SYTL4: variants seen among roughly 807,000 people sequenced by gnomAD.
SYTL4 encodes the protein synaptotagmin-like protein 4.
A neutral mutation model predicts 52.7 loss-of-function variants in SYTL4; 16 were observed. The observed-to-expected ratio is 0.30, with a 90% confidence interval of 0.21 to 0.46. SYTL4 has a LOEUF of 0.46. SYTL4 is among the 20% of genes least tolerant of loss of function. The pLI is 1.00. For missense variants in SYTL4, 423 were observed against 519.9 expected, an observed-to-expected ratio of 0.81 and a Z score of 1.81; for synonymous variants, 160 against 186.6, an observed-to-expected ratio of 0.86 and a Z score of 1.16.
intron 8 of SYTL4, among the ~76,000 whole-genome samples, chrX:100,698,314 A>G (rs7050441): frequency 0.47 from 51,941 of 109,999 alleles, 10,698 homozygotes; most frequent in Non-Finnish European, 0.64. Flanking sequence ...CGTGTTAGCC[A>G]GGATGGTCTC....
Position 100,710,181 on chromosome X carries a change from A to G in SYTL4, c.-239-5295T>C, listed in dbSNP as rs766506079. The stretch of plus-strand genomic sequence containing the variant: ...TCTAATGGATTATCATATCCTGCCA[A>G]AGTGATGTAATAAAAGTATTTTGCT... On this transcript the variant is annotated intron_variant, in intron 2 of 19. Transcript: ENST00000372989. Among the ~76,000 whole-genome samples, 11 of 112,292 alleles carry G rather than the reference A, an allele frequency of 9.8e-5. No individual in the cohort carries two copies. The East Asian group carries it at 3.0e-3, about 31-fold the overall frequency.
chrX:100,691,539 G>A (rs1051769627), intron 8 of SYTL4, among the ~76,000 whole-genome samples: 5 of 109,658 alleles, frequency 4.6e-5, no homozygotes, highest in Non-Finnish European at 7.6e-5. Context: ...GCCCAGCTGA[G>A]TATACTTTTT....
intron 2 of SYTL4, among the ~76,000 whole-genome samples, chrX:100,716,121 G>A (rs2084201958): frequency 9.2e-6 from 1 of 108,803 alleles, no homozygotes; most frequent in Non-Finnish European, 1.9e-5. Flanking sequence ...AGTACCGATG[G>A]GCGGGGGACT....
chrX:100,678,816 T>TATA (rs774417395), intron 18 of SYTL4: 1 of 406,325 alleles, frequency 2.5e-6, no homozygotes, highest in Non-Finnish European at 4.3e-6. Flanking sequence ...AGAAAATGAA[T>TATA]ATAATAGTAT....
At chrX:100,684,792 G>A in intron 16 of SYTL4, 1 of 109,833 alleles carries the variant, frequency 9.1e-6, no homozygotes, top group Non-Finnish European at 1.9e-5. Flanking sequence ...CGCCTCATGG[G>A]TTCAAGCGAT....
At chrX:100,712,401 G>A (rs1386998729) in intron 2 of SYTL4, among the ~76,000 whole-genome samples, 1 of 112,136 alleles carries the variant, frequency 8.9e-6, no homozygotes, top group Non-Finnish European at 1.9e-5. Context: ...AGTCAATGTG[G>A]TACTGGGCAG....
At chrX:100,704,741 T>C (rs2083922646) in intron 3 of SYTL4, 70 bp downstream of exon 3, 1 of 111,969 alleles carries the variant, frequency 8.9e-6, no homozygotes, top group Non-Finnish European at 1.9e-5. Flanking sequence ...TAATATACAC[T>C]TGGTAGTCAT....
intron 2 of SYTL4, among the ~76,000 whole-genome samples, chrX:100,729,548 A>G (rs995082889): frequency 7.2e-5 from 8 of 111,135 alleles, no homozygotes; most frequent in African/African-American, 2.6e-4. Flanking sequence ...CCCCACCATC[A>G]CTACACCTCA....
At chrX:100,702,559 T>C (rs932810992) in intron 4 of SYTL4, among the ~76,000 whole-genome samples, 1 of 112,406 alleles carries the variant, frequency 8.9e-6, no homozygotes, top group Non-Finnish European at 1.9e-5. Context: ...CCTAACCAGC[T>C]TCCATTCTCC....
chrX:100,687,016 G>A lies in SYTL4; in HGVS notation c.1184+51C>T, dbSNP rs375746891. 2.8e-3 allele frequency: 3,254 copies of A among 1,159,703 alleles called. 5 individuals are homozygous for A. The highest frequency in any genetic ancestry group is 9.7e-3 in the South Asian group (512 of 52,540). ...GTTCAAGAGTGCCCGGACAGATGCC[G>A]GGGTCTGGTCTCTGGTCTCAGAGCA... On this transcript the variant is annotated intron_variant, in intron 14 of 19. Transcript: ENST00000372989.
At chrX:100,677,826 TGAA>T (rs1053537291) in intron 19 of SYTL4, among the ~76,000 whole-genome samples, 4 of 111,647 alleles carry the variant, frequency 3.6e-5, no homozygotes, top group African/African-American at 1.3e-4. Context: ...GAAGGAGAGC[TGAA>T]GGAGAGGTGA....
intron 2 of SYTL4, among the ~76,000 whole-genome samples, chrX:100,724,034 C>T (rs2084430375): frequency 1.0e-5 from 1 of 97,564 alleles, no homozygotes; most frequent in East Asian, 3.5e-4. Context: ...CAGCCCCCCG[C>T]CCAGCCAGCC....
At chrX:100,702,658 T>C (rs1704744723) in intron 4 of SYTL4, among the ~76,000 whole-genome samples, 1 of 112,219 alleles carries the variant, frequency 8.9e-6, no homozygotes, top group African/African-American at 3.2e-5. Flanking sequence ...ACTCTAGCAC[T>C]ACCTCCAGGA....
At chrX:100,711,190 A>G (rs1252982494) in intron 2 of SYTL4, among the ~76,000 whole-genome samples, 1 of 111,895 alleles carries the variant, frequency 8.9e-6, no homozygotes, top group African/African-American at 3.3e-5. Flanking sequence ...TCTGTATCCA[A>G]GTAATTTAAG....
chrX:100,709,338 C>CA (rs753580673), intron 2 of SYTL4, among the ~76,000 whole-genome samples: 1,382 of 80,816 alleles, frequency 0.017, 11 homozygotes, highest in Admixed American at 0.026. Context: ...ACAAAAAATA[C>CA]AAAAAAAAAA....
intron 16 of SYTL4, among the ~76,000 whole-genome samples, chrX:100,682,016 T>C (rs896180444): frequency 2.6e-4 from 29 of 112,235 alleles, no homozygotes; most frequent in African/African-American, 9.4e-4. Context: ...AGGTGTATCA[T>C]TTTGTTTGAT....
chrX:100,698,553 A>G (rs1336203564), intron 8 of SYTL4, among the ~76,000 whole-genome samples: 5 of 112,306 alleles, frequency 4.5e-5, no homozygotes, highest in African/African-American at 1.6e-4. Context: ...AGTTACATTC[A>G]ATGGAAGAAG....
At chrX:100,681,410 C>A in intron 16 of SYTL4, 75 bp from the exon 17 acceptor site, 1 of 771,618 alleles carries the variant, frequency 1.3e-6, no homozygotes, top group South Asian at 2.5e-5. Flanking sequence ...GAAAAAAATT[C>A]TAAAATTACC....
chrX:100,677,937 C>T (rs1021415937), intron 19 of SYTL4, among the ~76,000 whole-genome samples: 2 of 111,639 alleles, frequency 1.8e-5, no homozygotes, highest in Admixed American at 9.5e-5. Flanking sequence ...CAGAGCATAT[C>T]TGTATTCACC....
Sources: gnomAD v4.1 joint callset for allele counts (sites outside exome capture counted in the v4.1 genomes callset) on GRCh38, gnomAD v4.1.1 for gene constraint, MANE v1.5 for transcripts, NCBI Gene and HGNC (gene_info 2026-07-23, HGNC 2026-07-21) for gene names.